Variants in SLC25A48 observed in about 807,000 individuals in gnomAD.
SLC25A48 encodes solute carrier family 25 member 48, also known as CTC-321K16.1.
In SLC25A48, 29 loss-of-function variants were observed where a neutral mutation model predicts 32.2. The observed-to-expected ratio is 0.90, with a 90% CI of 0.67 to 1.23. The LOEUF (loss-of-function observed/expected upper bound fraction) is 1.23, where lower values mean the gene tolerates loss of function less well. Among genes scored for constraint, SLC25A48 ranks in the 50% most tolerant of loss-of-function variants. The pLI, the probability that SLC25A48 is intolerant of heterozygous loss-of-function variation, is 0.00. For missense variants in SLC25A48, 399 were observed against 422.7 expected, an observed-to-expected ratio of 0.94 and a Z score of 0.49; for synonymous variants, 164 against 172.3, an observed-to-expected ratio of 0.95 and a Z score of 0.38.
intron 1 of SLC25A48, among the ~76,000 whole-genome samples, chr5:135,839,167 G>T (rs1487841022): frequency 6.6e-6 from 1 of 152,210 alleles, no homozygotes; most frequent in African/African-American, 2.4e-5. Context: ...TTGCAGTGGG[G>T]CATGCAGATG....
At chr5:135,619,213 T>C (rs2126897402) in intron 1 of SLC25A48, among the ~76,000 whole-genome samples, 1 of 152,270 alleles carries the variant, frequency 6.6e-6, no homozygotes, top group Admixed American at 6.5e-5. Context: ...CTTTTAAAAT[T>C]TTTGTTTGAC....
intron 4 of SLC25A48, 79 bp from the exon 5 acceptor site, chr5:135,871,382 G>T: frequency 6.7e-7 from 1 of 1,490,730 alleles, no homozygotes; most frequent in South Asian, 1.3e-5. Context: ...TCAAAGGGCT[G>T]GGCTGGCTCC....
At chr5:135,887,611 C>CTTGG in intron 7 of SLC25A48, among the ~76,000 whole-genome samples, 1 of 152,200 alleles carries the variant, frequency 6.6e-6, no homozygotes, top group Non-Finnish European at 1.5e-5. Context: ...AGTGCACGAT[C>CTTGG]TTGGCCCTGT....
intron 3 of SLC25A48, among the ~76,000 whole-genome samples, chr5:135,772,401 T>G (rs1020720197): frequency 1.3e-5 from 2 of 151,476 alleles, no homozygotes; most frequent in African/African-American, 2.4e-5. Flanking sequence ...TCTTCATAAT[T>G]TCCAGAGGGG....
chr5:135,692,046 G>A (rs545320216), intron 3 of SLC25A48, among the ~76,000 whole-genome samples: 4 of 152,284 alleles, frequency 2.6e-5, no homozygotes, highest in African/African-American at 9.6e-5. Context: ...GTCCGGGCGC[G>A]GTGGCTCACA....
intron 4 of SLC25A48, chr5:135,813,089 A>G (rs1333051513): frequency 6.6e-6 from 1 of 152,266 alleles, no homozygotes; most frequent in Non-Finnish European, 1.5e-5. Flanking sequence ...TTGTTAGAAC[A>G]TAAAGCTGAT....
chr5:135,688,783 G>GCA (rs1754077326), intron 3 of SLC25A48, among the ~76,000 whole-genome samples: 2 of 151,794 alleles, frequency 1.3e-5, no homozygotes, highest in Non-Finnish European at 2.9e-5. Flanking sequence ...ATTGTACAAT[G>GCA]GAGAGATGCT....
intron 3 of SLC25A48, among the ~76,000 whole-genome samples, chr5:135,768,650 T>C (rs994408372): frequency 6.6e-6 from 1 of 151,670 alleles, no homozygotes; most frequent in Non-Finnish European, 1.5e-5. Flanking sequence ...ATATTGTTCA[T>C]AGTATCCAGG....
intron 4 of SLC25A48, among the ~76,000 whole-genome samples, chr5:135,863,205 A>G (rs1252979723): frequency 6.6e-6 from 1 of 152,036 alleles, no homozygotes; most frequent in East Asian, 1.9e-4. Context: ...GACAAGTGGA[A>G]CCCCCCACAC....
intron 3 of SLC25A48, among the ~76,000 whole-genome samples, chr5:135,798,461 C>A (rs1368800562): frequency 1.3e-5 from 2 of 151,708 alleles, no homozygotes; most frequent in Admixed American, 6.6e-5. Context: ...CCCAATATCG[C>A]AGGTTGTGTA....
In SLC25A48 at chr5:135,798,887, G is replaced by C. The variant is rs185365764; in HGVS notation, c.-520-13636G>C. 3.3e-3 allele frequency among the ~76,000 whole-genome samples: 493 copies of C among 151,650 alleles called. 4 individuals carry two copies. The highest frequency in any genetic ancestry group is 5.5e-3 in the Non-Finnish European group (373 of 67,840). On this transcript the variant is annotated intron_variant, in intron 3 of 10. Transcript: ENST00000646290. ...TGTGATATTGTTTCTAATATCCATGGGGATGACGATGATATTGCTGTCAAT... is the reference window on the plus strand; with the variant it reads ...TGTGATATTGTTTCTAATATCCATGCGGATGACGATGATATTGCTGTCAAT...
At chr5:135,694,205 G>A (rs1191116064) in intron 3 of SLC25A48, among the ~76,000 whole-genome samples, 1 of 152,148 alleles carries the variant, frequency 6.6e-6, no homozygotes, top group Non-Finnish European at 1.5e-5. Flanking sequence ...AAACACCACG[G>A]GTCTCCTGGG....
intron 3 of SLC25A48, among the ~76,000 whole-genome samples, chr5:135,663,079 T>C (rs1313059529): frequency 1.3e-5 from 2 of 152,042 alleles, no homozygotes; most frequent in Admixed American, 1.3e-4. Context: ...ACCTCAAGAG[T>C]CAGCCTTTGG....
rs370604098 is a variant in SLC25A48, at chr5:135,804,365, A to C, written c.-520-8158A>C. Among the ~76,000 whole-genome samples, 3 of 151,880 alleles carry C rather than the reference A, an allele frequency of 2.0e-5. No homozygotes were observed. The South Asian group carries it at 6.2e-4, about 31-fold the overall frequency. ...GTAATATCTTCCTAGAATATTATGA[A>C]TAATGTCACAGGGTTTCCACCCATA... On this transcript the variant is annotated intron_variant, in intron 3 of 10. Transcript: ENST00000646290.
At chr5:135,586,683 C>G (rs1751373980) in intron 1 of SLC25A48, among the ~76,000 whole-genome samples, 1 of 152,170 alleles carries the variant, frequency 6.6e-6, no homozygotes, top group Admixed American at 6.5e-5. Flanking sequence ...ACAGCTTAAA[C>G]AACTGCTATG....
intron 3 of SLC25A48, among the ~76,000 whole-genome samples, chr5:135,745,738 A>G (rs1755622781): frequency 6.6e-6 from 1 of 152,258 alleles, no homozygotes; most frequent in South Asian, 2.1e-4. Context: ...TAGGGCAGTG[A>G]CCATGCCTGA....
At chr5:135,846,364 C>T (rs917131347) in intron 2 of SLC25A48, among the ~76,000 whole-genome samples, 1 of 152,192 alleles carries the variant, frequency 6.6e-6, no homozygotes, top group East Asian at 1.9e-4. Flanking sequence ...ATGAACATCC[C>T]AGTGGGGGTT....
rs186445986 is a variant in SLC25A48 at position 135,685,591 on chromosome 5, C to T, written c.-521+50635C>T. ...GGGATTACAGGCACGTGCCACCACACCCAGCTAATTTTTGTATTTTTAGTA... is the reference window on the plus strand; with the variant it reads ...GGGATTACAGGCACGTGCCACCACATCCAGCTAATTTTTGTATTTTTAGTA... On this transcript the variant is annotated intron_variant, in intron 3 of 10. Transcript: ENST00000646290. 3.5e-4 allele frequency among the ~76,000 whole-genome samples: 53 copies of T among 152,104 alleles called. No individual in the cohort carries two copies. The East Asian group carries it at 6.8e-3, about 19-fold the overall frequency.
chr5:135,742,455 C>G (rs1437614591), intron 3 of SLC25A48: 1 of 1,544,012 alleles, frequency 6.5e-7, no homozygotes. Context: ...TGAGGTCTCA[C>G]CTGTGTGTTT....
Sources: allele counts gnomAD v4.1 joint callset (sites outside exome capture counted in the v4.1 genomes callset), GRCh38; gene constraint gnomAD v4.1.1; transcripts MANE v1.5; gene names NCBI Gene and HGNC (gene_info 2026-07-23, HGNC 2026-07-21).